PPP2R2C: variants seen among roughly 807,000 people sequenced by gnomAD.
PPP2R2C encodes protein phosphatase 2 regulatory subunit Bgamma.
Under a neutral mutation model 45.3 loss-of-function variants are expected in PPP2R2C, and 10 were observed. That is an observed-to-expected ratio of 0.22 (90% CI 0.14 to 0.37). The LOEUF is 0.37. PPP2R2C is among the 10% of genes least tolerant of loss of function. PPP2R2C has a pLI of 1.00. For synonymous variants in PPP2R2C, 257 were observed against 245.4 expected (o/e 1.05, Z -0.44); for missense variants, 308 against 619.7 (o/e 0.50, Z 5.34).
chr4:6,456,994 G>A (rs1439878766), intron 1 of PPP2R2C, among the ~76,000 whole-genome samples: 2 of 152,046 alleles, frequency 1.3e-5, no homozygotes, highest in Non-Finnish European at 2.9e-5. Flanking sequence ...GATCACCTGA[G>A]GTCAGGAGTT....
At chr4:6,424,180 G>A (rs996976360) in intron 1 of PPP2R2C, among the ~76,000 whole-genome samples, 1 of 152,198 alleles carries the variant, frequency 6.6e-6, no homozygotes, top group East Asian at 1.9e-4. Flanking sequence ...CTCTGGAGAG[G>A]AAGTCACAGC....
chr4:6,403,418 G>C (rs1000533211), intron 1 of PPP2R2C, among the ~76,000 whole-genome samples: 2 of 152,178 alleles, frequency 1.3e-5, no homozygotes, highest in Admixed American at 1.3e-4. Flanking sequence ...AAAAGAAACC[G>C]AAATCGCACT....
intron 2 of PPP2R2C, among the ~76,000 whole-genome samples, chr4:6,478,529 T>C (rs1309313354): frequency 7.0e-6 from 1 of 143,624 alleles, no homozygotes; most frequent in Non-Finnish European, 1.5e-5. Flanking sequence ...AACAGGGCCC[T>C]GTTCGATGTG....
chr4:6,380,864 A>C (rs577272468), intron 2 of PPP2R2C, 133 bp downstream of exon 2: 199 of 1,343,322 alleles, frequency 1.5e-4, no homozygotes, highest in Admixed American at 1.3e-4. Context: ...TGTGGGTTGG[A>C]GTATAGTCCC....
chr4:6,386,699 A>G lies in PPP2R2C; in HGVS notation c.71-5605T>C, dbSNP rs557825677. 2.0e-5 allele frequency among the ~76,000 whole-genome samples: 3 copies of G among 152,346 alleles called. No individual in the cohort carries two copies. The East Asian group carries it at 5.8e-4, about 29-fold the overall frequency. On this transcript the variant is annotated intron_variant, in intron 1 of 8. Coordinates refer to ENST00000382599, the MANE Select transcript of PPP2R2C (RefSeq NM_020416.4). ...GGATATCATCCAAAATTATATGAAG[A>G]TATACAAAGAAATAGGAAAACCAGC...
intron 5 of PPP2R2C, among the ~76,000 whole-genome samples, chr4:6,360,379 G>C (rs912412001): frequency 2.0e-5 from 3 of 152,240 alleles, no homozygotes; most frequent in African/African-American, 7.2e-5. Flanking sequence ...CTCAGCAAGG[G>C]GGATGCTGGG....
chr4:6,508,622 C>A (rs1229238082), intron 2 of PPP2R2C, among the ~76,000 whole-genome samples: 1 of 151,606 alleles, frequency 6.6e-6, no homozygotes, highest in African/African-American at 2.4e-5. Context: ...AAAAGAAACA[C>A]CTGAAGGTGA....
Position 6,383,249 on chromosome 4 carries a change from C to T in PPP2R2C, c.71-2155G>A, listed in dbSNP as rs145523583. ...GGTGCAGAAGAACCCCCCCAACCCC[C>T]GGCCAAGCCCAGCCTCCAGCAGGGC... On this transcript the variant is annotated intron_variant, in intron 1 of 8. Coordinates refer to ENST00000382599, the MANE Select transcript of PPP2R2C (RefSeq NM_020416.4). 2.6e-4 allele frequency: 314 copies of T among 1,216,974 alleles called. No individual in the cohort carries two copies. The African/African-American group carries it at 4.5e-3, about 17-fold the overall frequency. 75.4% of individuals were successfully genotyped at this position (1,216,974 alleles called of 1,614,324 possible).
At chr4:6,529,952 C>T (rs1724341584) in intron 2 of PPP2R2C, among the ~76,000 whole-genome samples, 1 of 152,098 alleles carries the variant, frequency 6.6e-6, no homozygotes, top group African/African-American at 2.4e-5. Context: ...TGACGGAGCC[C>T]ACTATTCCCA....
intron 1 of PPP2R2C, among the ~76,000 whole-genome samples, chr4:6,458,427 A>C (rs4404623): frequency 2.2e-4 from 34 of 152,056 alleles, no homozygotes; most frequent in Admixed American, 2.2e-3. Context: ...GCGTCCTCAC[A>C]TGACAGAAGG....
intron 5 of PPP2R2C, among the ~76,000 whole-genome samples, chr4:6,361,032 C>T (rs957891994): frequency 6.6e-6 from 1 of 152,200 alleles, no homozygotes; most frequent in African/African-American, 2.4e-5. Context: ...TTAATTACCC[C>T]TTTAAGGCCC....
rs573429631 is a variant in PPP2R2C, at chr4:6,511,482, G to A, written c.49+23789C>T. 3.8e-3 allele frequency among the ~76,000 whole-genome samples: 450 copies of A among 119,444 alleles called. 10 individuals carry two copies. Among genetic ancestry groups the A allele is most frequent in the African/African-American group, 0.015 (412 of 28,292 alleles). The allele number at this position is 119,444 out of a possible 152,430, so 78.4% of individuals were successfully genotyped here. ...TGATGACGGTGGTGGTGGTGATGGCGGTGTTGGTGGTGATGGCGGTGATGG... is the reference window on the plus strand; with the variant it reads ...TGATGACGGTGGTGGTGGTGATGGCAGTGTTGGTGGTGATGGCGGTGATGG... On this transcript the variant is annotated intron_variant, in intron 2 of 9. Coordinates refer to the PPP2R2C transcript ENST00000506140.
At chr4:6,519,396 C>G (rs902501692) in intron 2 of PPP2R2C, among the ~76,000 whole-genome samples, 1 of 152,192 alleles carries the variant, frequency 6.6e-6, no homozygotes, top group South Asian at 2.1e-4. Flanking sequence ...CTTTTGAGAG[C>G]CACAGAGAAA....
intron 1 of PPP2R2C, among the ~76,000 whole-genome samples, chr4:6,467,571 G>A (rs1389112971): frequency 6.6e-6 from 1 of 152,144 alleles, no homozygotes; most frequent in African/African-American, 2.4e-5. Flanking sequence ...AAATGAAAGA[G>A]GGTTCTCAAA....
At chr4:6,505,741 G>A (rs1723205249) in intron 2 of PPP2R2C, among the ~76,000 whole-genome samples, 1 of 152,186 alleles carries the variant, frequency 6.6e-6, no homozygotes, top group Non-Finnish European at 1.5e-5. Flanking sequence ...CAAGGTGGGT[G>A]GATCACTTGA....
intron 4 of PPP2R2C, among the ~76,000 whole-genome samples, chr4:6,373,873 ATGAC>A (rs944400029): frequency 7.1e-4 from 107 of 151,334 alleles, no homozygotes; most frequent in East Asian, 1.9e-4. Context: ...GTGTGCATGC[ATGAC>A]TGAGTATACG....
chr4:6,384,956 G>C (rs555138807), intron 1 of PPP2R2C: 1 of 613,338 alleles, frequency 1.6e-6, no homozygotes, highest in African/African-American at 2.0e-5. Context: ...TATCTGTAGT[G>C]TGCTTATGGT....
intron 5 of PPP2R2C, chr4:6,348,756 G>A (rs1712246415): frequency 2.1e-6 from 2 of 934,928 alleles, no homozygotes; most frequent in Non-Finnish European, 1.3e-6. Flanking sequence ...GCTTGAGGGT[G>A]GGGCAGACAG....
At chr4:6,508,803 G>A (rs1577227538) in intron 2 of PPP2R2C, among the ~76,000 whole-genome samples, 1 of 152,064 alleles carries the variant, frequency 6.6e-6, no homozygotes, top group African/African-American at 2.4e-5. Flanking sequence ...ACATTAAGAC[G>A]CAGCCCCTCC....
Sources: allele counts gnomAD v4.1 joint callset (sites outside exome capture counted in the v4.1 genomes callset), GRCh38; gene constraint gnomAD v4.1.1; transcripts MANE v1.5; gene names NCBI Gene and HGNC (gene_info 2026-07-23, HGNC 2026-07-21).